SHC2: variants seen among roughly 807,000 people sequenced by gnomAD.
SHC2 encodes the protein SHC adaptor protein 2, also known as SHC-transforming protein 2.
SHC2 carries 62 observed loss-of-function variants against 60.6 expected under a neutral mutation model. The ratio of observed to expected loss-of-function variants is 1.02; its 90% CI spans 0.83 to 1.26. SHC2 has a LOEUF of 1.26. Ranked by LOEUF, SHC2 falls within the 50% of genes most tolerant of loss-of-function variation. The probability of loss-of-function intolerance (pLI) is 0.00; values close to 1 mark genes in which losing one functional copy is unlikely to be tolerated. For synonymous variants in SHC2, 375 were observed against 372.4 expected (o/e 1.01, Z -0.08); for missense variants, 873 against 822.2 (o/e 1.06, Z -0.76).
In SHC2 at chr19:422,191, G is replaced by T. The variant is rs201338564; in HGVS notation, c.1575C>A (p.His525Gln). The T allele has an allele frequency of 2.5e-6, 4 of 1,612,354 alleles. No homozygotes were observed. The South Asian group carries it at 3.3e-5, about 13-fold the overall frequency. Residue 525 changes from histidine (H) to glutamine (Q), a missense_variant, in exon 11 of 13, where the codon CAC becomes CAA. By Grantham distance (24) the His-to-Gln change is conservative. Coordinates refer to ENST00000264554, the MANE Select transcript of SHC2 (RefSeq NM_012435.3). The surrounding 1 kb of genome is among the most constrained non-coding windows in gnomAD (Gnocchi z 5.0). ...GCAGCAGGTGCTTGGGCTGCCCGGC[G>T]TGCATGCCGGTGAGGACATACTGCC... is the stretch of plus-strand genomic sequence containing the variant. The part of the protein sequence containing the change: ...NPGQYVLTGM[H>Q]AGQPKHLLLV...
rs938018364 is a variant in SHC2, at chr19:422,678, G to C, written c.1310-222C>G. 4 of 520,334 alleles carry C rather than the reference G, an allele frequency of 7.7e-6. No homozygotes were observed. The highest frequency in any genetic ancestry group is 1.4e-5 in the Non-Finnish European group (4 of 295,644). 32.2% of individuals were successfully genotyped at this position (520,334 alleles called of 1,614,324 possible). A position where few individuals can be genotyped will look rare whatever the true frequency, so the allele number is the denominator to read the frequency against. On this transcript the variant is annotated intron_variant, in intron 10 of 12. Coordinates refer to ENST00000264554, the MANE Select transcript of SHC2 (RefSeq NM_012435.3). The surrounding 1 kb of genome is among the most constrained non-coding windows in gnomAD (Gnocchi z 5.0). ...TGGACTCCCCAGGTTGGGTTTTCTAGGCACGTACTAAGCATGTACAAAGGG... is the reference window on the plus strand; with the variant it reads ...TGGACTCCCCAGGTTGGGTTTTCTACGCACGTACTAAGCATGTACAAAGGG...
At position 438,761 on chromosome 19, in the gene SHC2, A is replaced by T; in HGVS notation, c.677T>A (p.Ile226Asn). The change falls in exon 4 of 13, where the codon ATC becomes AAC. Residue 226 changes from isoleucine (I) to asparagine (N), a missense_variant. Physicochemically the swap from Ile to Asn is moderately radical, Grantham distance 149. Coordinates refer to ENST00000264554, the MANE Select transcript of SHC2 (RefSeq NM_012435.3). The surrounding 1 kb of genome is among the most constrained non-coding windows in gnomAD (Gnocchi z 5.0). ...GGAGAGGCTGAGGCCATCAGTGGAG[A>T]TGTGGATGGAGATGCTCATGCCGGC... ...RFAGMSISIH[I>N]STDGLSLSVP... is the part of the protein sequence containing the mutation. The T allele has an allele frequency of 6.4e-7, 1 of 1,573,248 alleles. No individual in the cohort carries two copies.
intron 9 of SHC2, among the ~76,000 whole-genome samples, chr19:430,300 AC>A (rs1170618561): frequency 1.3e-5 from 2 of 151,716 alleles, no homozygotes; most frequent in Non-Finnish European, 2.9e-5. Flanking sequence ...GTGCACAGAA[AC>A]CTAATACCGT....
chr19:448,856 T>TA (rs977985734), intron 1 of SHC2, among the ~76,000 whole-genome samples: 3 of 151,804 alleles, frequency 2.0e-5, no homozygotes, highest in Non-Finnish European at 4.4e-5. Flanking sequence ...CTAAAGGTGG[T>TA]AAAAGAGACA....
At chr19:418,262 T>C (rs1974197698) in intron 12 of SHC2, among the ~76,000 whole-genome samples, 1 of 152,090 alleles carries the variant, frequency 6.6e-6, no homozygotes, top group African/African-American at 2.4e-5. Flanking sequence ...ACCCCTCCTC[T>C]GGGAAGGAGG....
At chr19:427,464 GCACA>G (rs1453370835) in intron 9 of SHC2, among the ~76,000 whole-genome samples, 1 of 151,818 alleles carries the variant, frequency 6.6e-6, no homozygotes, top group African/African-American at 2.4e-5. Context: ...AGGGGGAATT[GCACA>G]CGGCACAGGG....
chr19:424,074 T>A lies in SHC2; in HGVS notation c.1309+1023A>T, dbSNP rs140202034. 1.5e-3 allele frequency among the ~76,000 whole-genome samples: 229 copies of A among 152,134 alleles called. 3 individuals carry two copies. The East Asian group carries it at 0.041, about 28-fold the overall frequency. On this transcript the variant is annotated intron_variant, in intron 10 of 12. Coordinates refer to ENST00000264554, the MANE Select transcript of SHC2 (RefSeq NM_012435.3). This position sits in a 1 kb window ranked among gnomAD's most constrained non-coding sequence, Gnocchi z 4.5. The stretch of plus-strand genomic sequence containing the variant: ...CAGGTGGTGGAGGAAAGGGAGAAAT[T>A]TGCAGTTAGCTTGGGAGGCATCCTG...
In SHC2 at chr19:454,105, C is replaced by A. The variant is rs372142965; in HGVS notation, c.468+6424G>T. Among the ~76,000 whole-genome samples, 12 of 152,300 alleles carry A rather than the reference C, an allele frequency of 7.9e-5. No individual in the cohort carries two copies. In the South Asian group the frequency reaches 2.1e-3, roughly 26 times the overall value. On this transcript the variant is annotated intron_variant, in intron 1 of 12. Transcript: ENST00000264554. ...ATCAGGCGTCAAGATTCACCCAGAC[C>A]GAGCTGTCCAGCACGGCAGCTGCTT...
In SHC2 at chr19:436,445, G is replaced by A. The variant is rs368327368; in HGVS notation, c.775-14C>T. 132 of 1,602,066 alleles carry A rather than the reference G, an allele frequency of 8.2e-5. No individual in the cohort carries two copies. In the African/African-American group the frequency reaches 1.5e-3, roughly 19 times the overall value. On this transcript the variant is annotated splice_polypyrimidine_tract_variant and intron_variant, in intron 5 of 12. Transcript: ENST00000264554. ...ATCCGTCATGTCCTGGGGGCGGGGAGGGGCCAGCTGGACCTGCCTGGGCCC... is the reference window on the plus strand; with the variant it reads ...ATCCGTCATGTCCTGGGGGCGGGGAAGGGCCAGCTGGACCTGCCTGGGCCC...
rs761691962 is a variant in SHC2 at position 422,355 on chromosome 19, G to A, written c.1411C>T (p.Arg471Cys). The A allele has an allele frequency of 2.1e-5, 33 of 1,605,958 alleles. No individual in the cohort carries two copies. The highest frequency in any genetic ancestry group is 3.3e-5 in the South Asian group (3 of 89,870). ...TCCGTGGGGGCCACAGGGGCCCGGC[G>A]GGTAGGGGGGCTGGGCCACTGGTCC... is the stretch of plus-strand genomic sequence containing the variant. Reference protein sequence around the residue: ...LEDQWPSPPTRRAPVAPTEEQ... With the variant: ...LEDQWPSPPTCRAPVAPTEEQ... Residue 471 changes from arginine to cysteine, a missense_variant, in exon 11 of 13, where the codon CGC (arginine) becomes TGC (cysteine). Transcript: ENST00000264554. The surrounding 1 kb of genome is among the most constrained non-coding windows in gnomAD (Gnocchi z 5.0).
chr19:423,810 C>T (rs1468421149), intron 10 of SHC2, among the ~76,000 whole-genome samples: 3 of 152,192 alleles, frequency 2.0e-5, no homozygotes, highest in South Asian at 2.1e-4. Flanking sequence ...CAGGACTCTT[C>T]GTGGAGGACG....
intron 1 of SHC2, among the ~76,000 whole-genome samples, chr19:455,455 C>T: frequency 6.6e-6 from 1 of 152,246 alleles, no homozygotes; most frequent in East Asian, 1.9e-4. Flanking sequence ...AGCCTCGGCG[C>T]CGGAGGTACT....
intron 1 of SHC2, among the ~76,000 whole-genome samples, chr19:447,145 G>C (rs532392222): frequency 6.6e-6 from 1 of 152,250 alleles, no homozygotes; most frequent in African/African-American, 2.4e-5. Flanking sequence ...TGACCCAGAC[G>C]TGAAAAGGAG....
chr19:453,004 G>A lies in SHC2; in HGVS notation c.468+7525C>T, dbSNP rs1198868080. On this transcript the variant is annotated intron_variant, in intron 1 of 12. Coordinates refer to ENST00000264554, the MANE Select transcript of SHC2 (RefSeq NM_012435.3). This position sits in a 1 kb window ranked among gnomAD's most constrained non-coding sequence, Gnocchi z 6.3. ...CGGAGTCTCTCACAAAGAGCTCCAG[G>A]AAGGGATGACCTCTGCTCCCAGTGG... 2 of 152,276 alleles carry A rather than the reference G, an allele frequency of 1.3e-5. No homozygotes were observed. The highest frequency in any genetic ancestry group is 2.9e-5 in the Non-Finnish European group (2 of 68,076). 9.4% of individuals were successfully genotyped at this position (152,276 alleles called of 1,614,324 possible).
intron 11 of SHC2, 86 bp from the exon 12 acceptor site, chr19:419,142 G>A: frequency 6.9e-7 from 1 of 1,446,780 alleles, no homozygotes. Context: ...GTCCTGCCGG[G>A]GAGCCCCTAG....
chr19:430,895 C>A (rs1231988415), intron 8 of SHC2, 148 bp from the exon 9 acceptor site: 9 of 713,722 alleles, frequency 1.3e-5, no homozygotes, highest in Non-Finnish European at 2.1e-5. Context: ...CTCTCTCACT[C>A]TGTAACTAGG....
chr19:428,264 G>A (rs566740056), intron 9 of SHC2, among the ~76,000 whole-genome samples: 7 of 152,288 alleles, frequency 4.6e-5, no homozygotes, highest in African/African-American at 1.7e-4. Context: ...TGGGAATGTC[G>A]GTTGAGCGGG....
rs547701181 is a variant in SHC2 at position 450,086 on chromosome 19, G to T, written c.469-9154C>A. On this transcript the variant is annotated intron_variant, in intron 1 of 12. Coordinates refer to ENST00000264554, the MANE Select transcript of SHC2 (RefSeq NM_012435.3). ...TGCCCCTGGCCATGGCTTTCCACAG[G>T]GGCGAGGGGTGTGTGCTGCCCTGGG... Among the ~76,000 whole-genome samples, 9 of 152,348 alleles carry T rather than the reference G, an allele frequency of 5.9e-5. 1 individual carries two copies. The South Asian group carries it at 1.9e-3, about 32-fold the overall frequency.
intron 1 of SHC2, among the ~76,000 whole-genome samples, chr19:450,594 C>CTTCTGTGTCT (rs1951676915): frequency 6.6e-6 from 1 of 152,220 alleles, no homozygotes; most frequent in Non-Finnish European, 1.5e-5. Context: ...AAAGCTTGTC[C>CTTCTGTGTCT]TTCTGTGTCT....
Sources: gnomAD v4.1 joint callset for allele counts (sites outside exome capture counted in the v4.1 genomes callset) on GRCh38, gnomAD v4.1.1 for gene constraint, Gnocchi (gnomAD v3.1) non-coding constraint, MANE v1.5 for transcripts, NCBI Gene and HGNC (gene_info 2026-07-23, HGNC 2026-07-21) for gene names.